Variants in NLRC4 observed in about 807,000 individuals in gnomAD.
NLRC4 encodes the protein NLR family CARD domain containing 4.
In NLRC4, 63 loss-of-function variants were observed where a neutral mutation model predicts 79.9. The ratio of observed to expected loss-of-function variants is 0.79; its 90% CI spans 0.64 to 0.97. The LOEUF is 0.97. NLRC4 is among the 50% of genes least tolerant of loss of function. NLRC4 has a pLI of 0.00. For missense variants in NLRC4, 1,074 were observed against 1,215.2 expected (o/e 0.88, Z 1.73); for synonymous variants, 461 against 456.5 (o/e 1.01, Z -0.12).
intron 8 of NLRC4, among the ~76,000 whole-genome samples, chr2:32,234,545 G>A (rs1043287568): frequency 1.3e-5 from 2 of 152,206 alleles, no homozygotes; most frequent in Non-Finnish European, 2.9e-5. Context: ...TGATGAGCCT[G>A]ACCTCCTTGT....
chr2:32,234,857 G>C (rs1171343713), intron 8 of NLRC4, among the ~76,000 whole-genome samples: 2 of 152,198 alleles, frequency 1.3e-5, no homozygotes, highest in East Asian at 1.9e-4. Context: ...ATTGTTTTAA[G>C]CCATTATGTT....
intron 4 of NLRC4, among the ~76,000 whole-genome samples, chr2:32,245,679 G>A (rs1686918672): frequency 1.3e-5 from 2 of 152,154 alleles, no homozygotes; most frequent in South Asian, 4.1e-4. Context: ...CATTTTCCAT[G>A]ATGTGATTAT....
At chr2:32,231,573 G>GC (rs560410569) in intron 8 of NLRC4, among the ~76,000 whole-genome samples, 5,852 of 27,926 alleles carry the variant, frequency 0.21, 952 homozygotes, top group African/African-American at 0.29. Flanking sequence ...ATTTTTTTTT[G>GC]TGGGGGGGGG....
At chr2:32,259,936 T>G (rs574671617) in intron 1 of NLRC4, among the ~76,000 whole-genome samples, 1 of 152,234 alleles carries the variant, frequency 6.6e-6, no homozygotes, top group East Asian at 1.9e-4. Flanking sequence ...TATAAAATAC[T>G]AGAGTGTATT....
intron 8 of NLRC4, among the ~76,000 whole-genome samples, chr2:32,233,381 G>A (rs1360082464): frequency 8.9e-6 from 1 of 112,176 alleles, no homozygotes; most frequent in Admixed American, 1.1e-4. Flanking sequence ...TTGTAGAGAC[G>A]ACATGTTACC....
At chr2:32,228,932 A>G (rs1309144627) in intron 8 of NLRC4, among the ~76,000 whole-genome samples, 2 of 151,744 alleles carry the variant, frequency 1.3e-5, no homozygotes, top group African/African-American at 4.8e-5. Context: ...CGCCCAGCTA[A>G]TTTTTGTATT....
chr2:32,259,966 C>T (rs1011041617), intron 1 of NLRC4, among the ~76,000 whole-genome samples: 9 of 152,030 alleles, frequency 5.9e-5, no homozygotes, highest in Admixed American at 3.9e-4. Context: ...CGGTGGCTCA[C>T]GCCTGTAATC....
chr2:32,260,112 C>G (rs1221695170), intron 1 of NLRC4, among the ~76,000 whole-genome samples: 2 of 150,698 alleles, frequency 1.3e-5, no homozygotes, highest in Non-Finnish European at 2.9e-5. Context: ...GCCTGTAATT[C>G]CAGCTACTTG....
At chr2:32,265,544 G>C (rs1687445730), upstream of NLRC4, 1 of 152,400 alleles carries the variant, frequency 6.6e-6, no homozygotes, top group African/African-American at 2.4e-5. Flanking sequence ...AGCCAGCTTA[G>C]TTGGCTAAAG....
Position 32,241,021 on chromosome 2 carries a change from CAGAAATCTGACCT to C in NLRC4, c.2349_2350+11del, listed in dbSNP as rs1312475895. On this transcript the variant is annotated splice_donor_variant and splice_donor_5th_base_variant and coding_sequence_variant and intron_variant, in exon 5 of 9. Transcript: ENST00000402280. LOFTEE classifies it high-confidence loss of function. The stretch of plus-strand genomic sequence containing the variant: ...ACTTACATTGATACAAATATGAGAA[CAGAAATCTGACCT>C]AGTTTTATAGCATCTTCTTCATTCA... 1.3e-6 allele frequency: 2 copies of C among 1,493,846 alleles called. No homozygotes were observed. Among genetic ancestry groups the C allele is most frequent in the Non-Finnish European group, 1.9e-6 (2 of 1,072,330 alleles). The allele number at this position is 1,493,846 out of a possible 1,614,324, so 92.5% of individuals were successfully genotyped here. A position where few individuals can be genotyped will look rare whatever the true frequency, so the allele number is the denominator to read the frequency against.
chr2:32,241,670 G>A (rs557784257), intron 4 of NLRC4, among the ~76,000 whole-genome samples: 14 of 152,198 alleles, frequency 9.2e-5, no homozygotes, highest in East Asian at 3.9e-4. Context: ...GAGCCACTGC[G>A]CCTGGCCGAT....
Position 32,235,503 on chromosome 2 carries a change from C to T in NLRC4, c.2680G>A (p.Gly894Ser). 1 of 1,614,198 alleles carries T rather than the reference C, an allele frequency of 6.2e-7. No individual in the cohort carries two copies. Among genetic ancestry groups the T allele is most frequent in the Non-Finnish European group, 8.5e-7 (1 of 1,180,002 alleles). ...LMLPWGCDVQ[G>S]SLSSLLKHLE... ...TGTTTCAACAGGCTGCTCAGGCTGC[C>T]TTGCACGTCACAGCCCCAGGGCAGC... The change falls in exon 8 of 9, where the codon GGC becomes AGC. Residue 894 changes from glycine to serine, a missense_variant. By Grantham distance (56) the Gly-to-Ser change is moderately conservative. Transcript: ENST00000402280.
intron 8 of NLRC4, among the ~76,000 whole-genome samples, chr2:32,230,991 G>T (rs1013787956): frequency 6.6e-6 from 1 of 152,078 alleles, no homozygotes; most frequent in Non-Finnish European, 1.5e-5. Context: ...GTATCTCATT[G>T]TAGTTTTGGT....
intron 5 of NLRC4, among the ~76,000 whole-genome samples, chr2:32,239,229 C>T (rs1373448379): frequency 6.6e-6 from 1 of 151,984 alleles, no homozygotes; most frequent in Admixed American, 6.6e-5. Flanking sequence ...TGCAGTGAGC[C>T]AACATCTCAC....
intron 1 of NLRC4, among the ~76,000 whole-genome samples, chr2:32,259,295 A>T: frequency 1.9e-5 from 1 of 51,428 alleles, no homozygotes; most frequent in Non-Finnish European, 3.9e-5. Context: ...TTTTTTAGAG[A>T]CAGAGTTTTG....
intron 4 of NLRC4, among the ~76,000 whole-genome samples, chr2:32,245,172 G>A (rs941006571): frequency 6.6e-6 from 1 of 151,734 alleles, no homozygotes; most frequent in Non-Finnish European, 1.5e-5. Flanking sequence ...TTAGCCAGGC[G>A]TGTTATTGGG....
intron 8 of NLRC4, among the ~76,000 whole-genome samples, chr2:32,233,349 A>ATATATATTTT (rs1418146489): frequency 4.9e-5 from 2 of 41,098 alleles, no homozygotes; most frequent in African/African-American, 9.5e-5. Context: ...ATATATATAT[A>ATATATATTTT]TTTTTTTTTT....
chr2:32,224,790 G>T (rs752315939), intron 8 of NLRC4, 25 bp from the exon 9 acceptor site: 11 of 1,330,582 alleles, frequency 8.3e-6, no homozygotes, highest in African/African-American at 5.1e-5. Context: ...AAGTATATTA[G>T]TTGGAAGAAA....
chr2:32,229,989 CAGGG>C (rs750067024), intron 8 of NLRC4, among the ~76,000 whole-genome samples: 11 of 152,078 alleles, frequency 7.2e-5, no homozygotes, highest in Non-Finnish European at 1.6e-4. Context: ...AGATAGGACT[CAGGG>C]AGAGTTTTAT....
Sources: gnomAD v4.1 joint callset for allele counts (sites outside exome capture counted in the v4.1 genomes callset) on GRCh38, gnomAD v4.1.1 for gene constraint, MANE v1.5 for transcripts, NCBI Gene and HGNC (gene_info 2026-07-23, HGNC 2026-07-21) for gene names.